Variants in ETV7 observed in about 807,000 individuals in gnomAD.
ETV7 encodes the protein ETS variant transcription factor 7.
Under a neutral mutation model 39.1 loss-of-function variants are expected in ETV7, and 43 were observed. The observed-to-expected ratio is 1.10, with a 90% confidence interval of 0.86 to 1.42. The LOEUF (loss-of-function observed/expected upper bound fraction) is 1.42. Ranked by LOEUF, ETV7 falls within the 40% of genes most tolerant of loss-of-function variation. ETV7 has a pLI of 0.00. For synonymous variants in ETV7, 196 were observed against 176.6 expected (o/e 1.11, Z -0.87); for missense variants, 432 against 442.3 (o/e 0.98, Z 0.21).
At chr6:36,381,457 C>T (rs1773649519) in intron 2 of ETV7, among the ~76,000 whole-genome samples, 1 of 152,158 alleles carries the variant, frequency 6.6e-6, no homozygotes, top group Non-Finnish European at 1.5e-5. Context: ...ATCACAATAC[C>T]TCGTCAAGAA....
rs770076267 is a variant in ETV7 at position 36,385,607 on chromosome 6, G to A, written c.69C>T (p.His23=). 8 of 1,614,224 alleles carry A rather than the reference G, an allele frequency of 5.0e-6. No individual in the cohort carries two copies. Among genetic ancestry groups the A allele is most frequent in the South Asian group, 1.1e-5 (1 of 91,086 alleles). The part of the protein sequence containing the change: ...PVAAMPPLGT[H]VQARCEAQIN... ...TTTGAGCTTCACATCTGGCTTGCAC[G>A]TGGGTGCCTAGGGGAGGCATGGCTG... The change falls in exon 2 of 8, where the codon CAC becomes CAT. Residue 23 remains histidine (H), a synonymous_variant. Transcript: ENST00000340181.
chr6:36,355,514 TG>T (rs1772315705), intron 7 of ETV7, among the ~76,000 whole-genome samples: 1 of 152,076 alleles, frequency 6.6e-6, no homozygotes, highest in East Asian at 1.9e-4. Flanking sequence ...CGGGTTCAAG[TG>T]ATTCTCCTGC....
rs764837120 is a variant in ETV7, at chr6:36,369,119, G to A, written c.665-48C>T. On this transcript the variant is annotated intron_variant, in intron 5 of 7. Transcript: ENST00000340181. ...CAGGCAGCGCAGCTTTACTGGAGCT[G>A]TGAGGACAGGTGTTAGAAAGGCACT... 3 of 1,608,424 alleles carry A rather than the reference G, an allele frequency of 1.9e-6. No homozygotes were observed. The South Asian group carries it at 3.3e-5, about 18-fold the overall frequency.
intron 7 of ETV7, among the ~76,000 whole-genome samples, chr6:36,357,619 G>A (rs558544695): frequency 6.6e-6 from 1 of 152,282 alleles, no homozygotes; most frequent in East Asian, 1.9e-4. Flanking sequence ...GCTCATGCCT[G>A]TAATCCCAGC....
At chr6:36,371,852 C>T (rs1773043448) in intron 4 of ETV7, among the ~76,000 whole-genome samples, 1 of 152,242 alleles carries the variant, frequency 6.6e-6, no homozygotes, top group Non-Finnish European at 1.5e-5. Flanking sequence ...AACCCAGGGG[C>T]CCTGTATCCC....
At chr6:36,363,106 T>C (rs777376614), downstream of ETV7, among the ~76,000 whole-genome samples, 4 of 152,168 alleles carry the variant, frequency 2.6e-5, no homozygotes, top group Non-Finnish European at 5.9e-5. Flanking sequence ...CTAAGCCAGG[T>C]ATGCAGCTCT....
chr6:36,362,199 G>A (rs1297769470), downstream of ETV7, among the ~76,000 whole-genome samples: 7 of 152,190 alleles, frequency 4.6e-5, no homozygotes, highest in South Asian at 1.4e-3. Flanking sequence ...TTGGGGAGGG[G>A]GCTGAGGCAG....
intron 7 of ETV7, among the ~76,000 whole-genome samples, chr6:36,355,990 T>C (rs1017032070): frequency 5.3e-5 from 8 of 152,096 alleles, no homozygotes; most frequent in Non-Finnish European, 8.8e-5. Flanking sequence ...TATCAAACAA[T>C]CCCTTGACTA....
chr6:36,378,804 T>C (rs144398714), intron 2 of ETV7, among the ~76,000 whole-genome samples: 1,550 of 152,216 alleles, frequency 0.01, 99 homozygotes, highest in Admixed American at 0.093. Flanking sequence ...ACTAAAAATG[T>C]CTCCAGACAC....
intron 7 of ETV7, among the ~76,000 whole-genome samples, chr6:36,356,008 T>C (rs1772326027): frequency 6.6e-6 from 1 of 152,224 alleles, no homozygotes; most frequent in Non-Finnish European, 1.5e-5. Context: ...CTAAAAATTG[T>C]ACCTCCTTAA....
Position 36,366,945 on chromosome 6 carries a change from A to C in ETV7, c.838T>G (p.Ser280Ala), listed in dbSNP as rs367587700. The change falls in exon 7 of 8, where the codon TCT (serine) becomes GCT (alanine). Residue 280 changes from serine (S) to alanine (A), a missense_variant. Transcript: ENST00000340181. ...NRVNMTYEKM[S>A]RALRHYYKLN... ...TTATAATAGTGGCGCAGGGCACGAG[A>C]CATCTTCTCGTAGGTCATGTTCACC... The C allele has an allele frequency of 1.1e-5, 17 of 1,613,798 alleles. No homozygotes were observed. The highest frequency in any genetic ancestry group is 1.4e-5 in the Non-Finnish European group (17 of 1,179,998).
downstream of ETV7, among the ~76,000 whole-genome samples, chr6:36,363,001 T>G (rs1015962494): frequency 1.3e-5 from 2 of 152,244 alleles, no homozygotes; most frequent in African/African-American, 4.8e-5. Flanking sequence ...GAAGCTGGGC[T>G]GGGCCATGTG....
intron 6 of ETV7, among the ~76,000 whole-genome samples, chr6:36,367,464 G>A (rs762465747): frequency 2.0e-5 from 3 of 150,912 alleles, no homozygotes; most frequent in South Asian, 2.1e-4. Context: ...AAGGAAGGAA[G>A]GAAGGAAGGC....
intron 7 of ETV7, chr6:36,354,710 T>C: frequency 1.4e-6 from 1 of 693,336 alleles, no homozygotes; most frequent in Non-Finnish European, 2.6e-6. Context: ...AAAAAAGCAG[T>C]TGGAATTTTG....
At chr6:36,354,138 T>TCCTG (rs1772280654) in exon 8 of ETV7, 1 of 152,034 alleles carries the variant, frequency 6.6e-6, no homozygotes, top group Non-Finnish European at 1.5e-5. Context: ...TCTTTATCAA[T>TCCTG]CCTGGATACA....
chr6:36,380,833 C>T (rs973466767), intron 2 of ETV7, among the ~76,000 whole-genome samples: 1 of 152,060 alleles, frequency 6.6e-6, no homozygotes, highest in Non-Finnish European at 1.5e-5. Flanking sequence ...GTGGGGTCAC[C>T]CCCAGGGCCT....
chr6:36,376,500 A>G (rs910640563), intron 2 of ETV7, among the ~76,000 whole-genome samples: 5 of 152,214 alleles, frequency 3.3e-5, no homozygotes, highest in East Asian at 3.9e-4. Context: ...GTTACTGGCC[A>G]GGCGCGGTGG....
At chr6:36,357,843 A>G (rs941750024) in intron 7 of ETV7, among the ~76,000 whole-genome samples, 19 of 152,162 alleles carry the variant, frequency 1.2e-4, no homozygotes, top group Admixed American at 9.2e-4. Flanking sequence ...GTACCACTGC[A>G]CTCCAGCCCA....
intron 7 of ETV7, among the ~76,000 whole-genome samples, chr6:36,358,787 G>A (rs1185941927): frequency 2.0e-5 from 3 of 152,228 alleles, no homozygotes; most frequent in African/African-American, 4.8e-5. Context: ...ACTGGCTGGA[G>A]CATATGATCA....
Sources: gnomAD v4.1 joint callset for allele counts (sites outside exome capture counted in the v4.1 genomes callset) on GRCh38, gnomAD v4.1.1 for gene constraint, MANE v1.5 for transcripts, NCBI Gene and HGNC (gene_info 2026-07-23, HGNC 2026-07-21) for gene names.